The following GPC5 variants were observed in gnomAD, a reference collection of about 807,000 sequenced individuals.
GPC5 encodes the protein glypican 5, also known as glypican-5.
In GPC5, 47 loss-of-function variants were observed where a neutral mutation model predicts 53.9. The observed-to-expected ratio is 0.87, with a 90% CI of 0.69 to 1.11. The LOEUF is 1.11. Among genes scored for constraint, GPC5 ranks in the 50% most tolerant of loss-of-function variants. GPC5 has a pLI of 0.00. For missense variants in GPC5, 748 were observed against 713.1 expected, an observed-to-expected ratio of 1.05 and a Z score of -0.56; for synonymous variants, 286 against 263.3, an observed-to-expected ratio of 1.09 and a Z score of -0.84.
intron 3 of GPC5, among the ~76,000 whole-genome samples, chr13:91,727,035 G>T (rs1360836617): frequency 6.6e-6 from 1 of 152,120 alleles, no homozygotes; most frequent in Non-Finnish European, 1.5e-5. Flanking sequence ...CAGTGTAGTT[G>T]CTAGAACCAT....
At chr13:92,422,688 G>C (rs1254660994) in intron 7 of GPC5, among the ~76,000 whole-genome samples, 2 of 152,086 alleles carry the variant, frequency 1.3e-5, no homozygotes, top group African/African-American at 4.8e-5. Context: ...TAGTCTTTCA[G>C]TGAACCCTCC....
At chr13:92,793,426 G>A (rs1480563948) in intron 7 of GPC5, among the ~76,000 whole-genome samples, 1 of 151,982 alleles carries the variant, frequency 6.6e-6, no homozygotes, top group Non-Finnish European at 1.5e-5. Flanking sequence ...GCACACAAGA[G>A]GAAGCAGAAA....
At chr13:92,080,886 A>T (rs1229434348) in intron 6 of GPC5, among the ~76,000 whole-genome samples, 1 of 152,116 alleles carries the variant, frequency 6.6e-6, no homozygotes, top group Non-Finnish European at 1.5e-5. Context: ...GCTGTGCCCC[A>T]TGGCCCATGC....
intron 5 of GPC5, among the ~76,000 whole-genome samples, chr13:91,891,694 C>T (rs1594644939): frequency 1.3e-5 from 2 of 152,080 alleles, no homozygotes; most frequent in Non-Finnish European, 1.5e-5. Context: ...GAATCAACAA[C>T]GTTTCAAATA....
chr13:91,891,124 A>G (rs1332514308), intron 5 of GPC5, among the ~76,000 whole-genome samples: 1 of 152,182 alleles, frequency 6.6e-6, no homozygotes, highest in Non-Finnish European at 1.5e-5. Flanking sequence ...ATAATTCAGT[A>G]TCTAATCTGG....
chr13:92,021,044 A>G (rs1046585480), intron 6 of GPC5, among the ~76,000 whole-genome samples: 1 of 152,138 alleles, frequency 6.6e-6, no homozygotes, highest in Admixed American at 6.6e-5. Flanking sequence ...GCATGTTGGT[A>G]TCCAGTTTTC....
intron 6 of GPC5, among the ~76,000 whole-genome samples, chr13:92,036,467 T>C (rs576605018): frequency 1.3e-5 from 2 of 152,350 alleles, no homozygotes; most frequent in South Asian, 4.1e-4. Context: ...ATTCCTCTTA[T>C]GTGCTCATTA....
chr13:91,933,570 A>T (rs1324667012), intron 6 of GPC5, among the ~76,000 whole-genome samples: 1 of 151,988 alleles, frequency 6.6e-6, no homozygotes, highest in Non-Finnish European at 1.5e-5. Flanking sequence ...TAAACCCATT[A>T]TATATGCTAA....
At chr13:92,504,098 C>T (rs1047125132) in intron 7 of GPC5, among the ~76,000 whole-genome samples, 2 of 151,838 alleles carry the variant, frequency 1.3e-5, no homozygotes, top group Admixed American at 6.6e-5. Flanking sequence ...TGTTTACTCA[C>T]GTAAGATATA....
In GPC5 at chr13:91,766,000, C is replaced by T. The variant is rs138191493; in HGVS notation, c.1280+9580C>T. Among the ~76,000 whole-genome samples, 879 of 152,190 alleles carry T rather than the reference C, an allele frequency of 5.8e-3. 5 individuals carry two copies. The highest frequency in any genetic ancestry group is 9.5e-3 in the Admixed American group (145 of 15,286). On this transcript the variant is annotated intron_variant, in intron 5 of 7. Coordinates refer to ENST00000377067, the MANE Select transcript of GPC5 (RefSeq NM_004466.6). Reference sequence around the variant, plus strand: ...CTTAAAATTCTGTAATACATAAATACAAAAATATAGTAACACAATAAAAAT... The same window carrying T: ...CTTAAAATTCTGTAATACATAAATATAAAAATATAGTAACACAATAAAAAT...
intron 2 of GPC5, among the ~76,000 whole-genome samples, chr13:91,584,094 A>G (rs2032471175): frequency 6.6e-6 from 1 of 152,190 alleles, no homozygotes; most frequent in African/African-American, 2.4e-5. Context: ...AGGGAAGGCC[A>G]TTGGAAAACA....
intron 5 of GPC5, among the ~76,000 whole-genome samples, chr13:91,783,951 A>G (rs2037837910): frequency 6.6e-6 from 1 of 152,218 alleles, no homozygotes; most frequent in African/African-American, 2.4e-5. Flanking sequence ...CCAAAAGATA[A>G]TTTATAATCA....
intron 6 of GPC5, among the ~76,000 whole-genome samples, chr13:92,110,520 C>A (rs1204533038): frequency 2.7e-5 from 4 of 150,778 alleles, no homozygotes; most frequent in Non-Finnish European, 4.4e-5. Flanking sequence ...GTAAAACTTT[C>A]TCTAAAGGAA....
chr13:92,519,705 C>A (rs1880952403), intron 7 of GPC5, among the ~76,000 whole-genome samples: 1 of 152,040 alleles, frequency 6.6e-6, no homozygotes, highest in Non-Finnish European at 1.5e-5. Flanking sequence ...ACCCTAACAA[C>A]ACAATTAAAA....
chr13:91,785,143 T>C (rs535589412), intron 5 of GPC5, among the ~76,000 whole-genome samples: 15 of 152,324 alleles, frequency 9.8e-5, no homozygotes, highest in Admixed American at 7.8e-4. Context: ...CTCCACCATC[T>C]TTAATATTGG....
At chr13:92,649,380 CTTTG>C (rs1885883052) in intron 7 of GPC5, among the ~76,000 whole-genome samples, 1 of 152,026 alleles carries the variant, frequency 6.6e-6, no homozygotes, top group Admixed American at 6.6e-5. Flanking sequence ...ATTCACATTG[CTTTG>C]TTTATTTAAC....
intron 7 of GPC5, among the ~76,000 whole-genome samples, chr13:92,647,457 G>C (rs1441809863): frequency 6.6e-6 from 1 of 152,154 alleles, no homozygotes. Context: ...GCCTACATAG[G>C]CTCAGGAATA....
At chr13:92,165,561 T>C (rs2042021213) in intron 7 of GPC5, among the ~76,000 whole-genome samples, 1 of 152,104 alleles carries the variant, frequency 6.6e-6, no homozygotes. Flanking sequence ...CCTCACAAAA[T>C]GATCAGATCT....
intron 7 of GPC5, among the ~76,000 whole-genome samples, chr13:92,603,828 T>C (rs1884163045): frequency 1.3e-5 from 2 of 152,176 alleles, no homozygotes; most frequent in Non-Finnish European, 2.9e-5. Flanking sequence ...ATCTTCTCCA[T>C]AGCCAAAACT....
Sources: gnomAD v4.1 joint callset for allele counts (sites outside exome capture counted in the v4.1 genomes callset) on GRCh38, gnomAD v4.1.1 for gene constraint, MANE v1.5 for transcripts, NCBI Gene and HGNC (gene_info 2026-07-23, HGNC 2026-07-21) for gene names.